MSH3: variants seen among roughly 807,000 people sequenced by gnomAD.
MSH3 encodes mutS homolog 3.
MSH3 carries 106 observed loss-of-function variants against 123.3 expected under a neutral mutation model. The observed-to-expected ratio is 0.86, with a 90% CI of 0.73 to 1.01. The LOEUF (loss-of-function observed/expected upper bound fraction) is 1.01. Ranked by LOEUF, MSH3 falls within the 50% of genes least tolerant of loss-of-function variation. MSH3 has a pLI of 0.00. For missense variants in MSH3, 1,459 were observed against 1,347.6 expected, an observed-to-expected ratio of 1.08 and a Z score of -1.29; for synonymous variants, 515 against 481.4, an observed-to-expected ratio of 1.07 and a Z score of -0.91.
intron 8 of MSH3, among the ~76,000 whole-genome samples, chr5:80,720,449 G>A (rs1274427638): frequency 6.6e-6 from 1 of 151,100 alleles, no homozygotes; most frequent in Non-Finnish European, 1.5e-5. Context: ...ATTTCTTTTT[G>A]ACTTTGAAAA....
chr5:80,817,227 A>G (rs568892949), intron 20 of MSH3, among the ~76,000 whole-genome samples: 2 of 152,022 alleles, frequency 1.3e-5, no homozygotes, highest in African/African-American at 4.8e-5. Context: ...GAGTGCTTCA[A>G]GAAGAAAAGT....
chr5:80,684,635 GTCC>G (rs1228993540), intron 8 of MSH3, among the ~76,000 whole-genome samples: 1 of 151,992 alleles, frequency 6.6e-6, no homozygotes, highest in Non-Finnish European at 1.5e-5. Flanking sequence ...ATAATTAGAC[GTCC>G]TCCTTTCCAA....
rs6151833 is a variant in MSH3 at position 80,785,626 on chromosome 5, C to T, written c.2436-1939C>T. Among the ~76,000 whole-genome samples the T allele has an allele frequency of 9.3e-3, 1,409 of 152,286 alleles. 7 individuals are homozygous for T. The highest frequency in any genetic ancestry group is 0.044 in the Middle Eastern group (13 of 294). On this transcript the variant is annotated intron_variant, in intron 17 of 23. Coordinates refer to ENST00000265081, the MANE Select transcript of MSH3 (RefSeq NM_002439.5). ...TACTGGGTATATACCCATGACCCAGCCATCCCATTACTGGGTATATACCCA... is the reference window on the plus strand; with the variant it reads ...TACTGGGTATATACCCATGACCCAGTCATCCCATTACTGGGTATATACCCA...
At chr5:80,753,031 C>T (rs546204247) in intron 12 of MSH3, among the ~76,000 whole-genome samples, 2 of 152,206 alleles carry the variant, frequency 1.3e-5, no homozygotes, top group South Asian at 4.1e-4. Flanking sequence ...TACAGGTAGG[C>T]TGGTGTTTTA....
chr5:80,836,038 A>G lies in MSH3; in HGVS notation c.2814-18092A>G, dbSNP rs557813793. ...AAAAAGTACTTTTTGATATCTTATTAAAAATTAAGATTCTGTCATATTTCT... is the reference window on the plus strand; with the variant it reads ...AAAAAGTACTTTTTGATATCTTATTGAAAATTAAGATTCTGTCATATTTCT... On this transcript the variant is annotated intron_variant, in intron 20 of 23. Transcript: ENST00000265081. Among the ~76,000 whole-genome samples, 10 of 152,326 alleles carry G rather than the reference A, an allele frequency of 6.6e-5. No individual in the cohort carries two copies. The South Asian group carries it at 2.1e-3, about 32-fold the overall frequency.
At chr5:80,674,937 G>A (rs1357827720) in intron 6 of MSH3, 46 bp from the exon 7 acceptor site, 10 of 1,404,182 alleles carry the variant, frequency 7.1e-6, no homozygotes, top group Non-Finnish European at 8.9e-6. Flanking sequence ...TAGCATATTA[G>A]GATTTAGAAT....
intron 20 of MSH3, among the ~76,000 whole-genome samples, chr5:80,829,237 T>C (rs542660199): frequency 2.0e-4 from 31 of 152,350 alleles, no homozygotes; most frequent in African/African-American, 7.2e-4. Flanking sequence ...CCTTTTCCTG[T>C]CTTATTGCAT....
intron 2 of MSH3, among the ~76,000 whole-genome samples, chr5:80,657,245 A>G (rs534981800): frequency 1.3e-4 from 20 of 152,204 alleles, no homozygotes; most frequent in Non-Finnish European, 1.8e-4. Context: ...GTTTAAGACC[A>G]GCCTGGCCAA....
Position 80,654,905 on chromosome 5 carries a change from GCCGCAGCGCCCCCAGCGC to G in MSH3, c.181_198del (p.Ala61_Pro66del), listed in dbSNP as rs1749210844. Reference sequence around the variant, plus strand: ...TGCAGCGGCTGCAGCGGCCGCAGCGGCCGCAGCGCCCCCAGCGCCCCCAGCTCCCGCCTTCCCGCCCCA... The same window carrying G: ...TGCAGCGGCTGCAGCGGCCGCAGCGGCCCCAGCTCCCGCCTTCCCGCCCCA... On this transcript the variant is annotated inframe_deletion, in exon 1 of 24. Coordinates refer to ENST00000265081, the MANE Select transcript of MSH3 (RefSeq NM_002439.5). 6.7e-7 allele frequency: 1 copy of G among 1,494,090 alleles called. No individual in the cohort carries two copies. The highest frequency in any genetic ancestry group is 8.9e-7 in the Non-Finnish European group (1 of 1,126,380). The allele number at this position is 1,494,090 out of a possible 1,614,324, so 92.6% of individuals were successfully genotyped here.
intron 19 of MSH3, among the ~76,000 whole-genome samples, chr5:80,810,194 T>TATATATATATATATATATATATATATAA (rs1554074256): frequency 1.4e-5 from 2 of 146,848 alleles, no homozygotes; most frequent in South Asian, 2.1e-4. Context: ...TATATATATA[T>TATATATATATATATATATATATATATAA]AAACTAGTAG....
chr5:80,762,778 T>TTTA (rs1554072031), intron 13 of MSH3, among the ~76,000 whole-genome samples: 7 of 127,974 alleles, frequency 5.5e-5, no homozygotes, highest in African/African-American at 1.2e-4. Context: ...TTATTTTAAT[T>TTTA]TTTTATTTTA....
intron 20 of MSH3, among the ~76,000 whole-genome samples, chr5:80,843,951 T>G (rs944564048): frequency 6.6e-6 from 1 of 151,774 alleles, no homozygotes; most frequent in Non-Finnish European, 1.5e-5. Context: ...CTTTTGAATT[T>G]GTTTGCTCTT....
chr5:80,697,767 A>G (rs1041608853), intron 8 of MSH3, among the ~76,000 whole-genome samples: 1 of 152,166 alleles, frequency 6.6e-6, no homozygotes, highest in African/African-American at 2.4e-5. Context: ...CCCAGAAAGG[A>G]CATTTAAGCT....
intron 8 of MSH3, among the ~76,000 whole-genome samples, chr5:80,686,799 G>GT (rs1294199590): frequency 6.6e-6 from 1 of 150,890 alleles, no homozygotes; most frequent in Non-Finnish European, 1.5e-5. Flanking sequence ...ATACCTAAAG[G>GT]TAAAAACAGC....
At chr5:80,837,696 T>C (rs974491797) in intron 20 of MSH3, among the ~76,000 whole-genome samples, 11 of 152,242 alleles carry the variant, frequency 7.2e-5, no homozygotes, top group African/African-American at 2.2e-4. Context: ...GTATTATTTT[T>C]CTGAACTGTG....
intron 10 of MSH3, among the ~76,000 whole-genome samples, chr5:80,737,968 A>G (rs1171995913): frequency 6.6e-6 from 1 of 152,204 alleles, no homozygotes; most frequent in Non-Finnish European, 1.5e-5. Flanking sequence ...TTGTTTAGTA[A>G]GGACAAAAAG....
chr5:80,672,304 A>G lies in MSH3; in HGVS notation c.853A>G (p.Ile285Val), dbSNP rs1213230231. 7.4e-6 allele frequency: 12 copies of G among 1,614,004 alleles called. No individual in the cohort carries two copies. The highest frequency in any genetic ancestry group is 9.3e-6 in the Non-Finnish European group (11 of 1,179,980). ...HLDHNFMTASIPTHRLFVHVR... is the reference protein window; with the variant it reads ...HLDHNFMTASVPTHRLFVHVR... ...AGATCACAACTTTATGACAGCAAGT[A>G]TACCTACTCACAGACTGTTTGTTCA... The change falls in exon 5 of 24, where the codon ATA (isoleucine) becomes GTA (valine). Residue 285 changes from isoleucine to valine, a missense_variant. By Grantham distance (29) the Ile-to-Val change is conservative. Coordinates refer to ENST00000265081, the MANE Select transcript of MSH3 (RefSeq NM_002439.5).
intron 17 of MSH3, among the ~76,000 whole-genome samples, chr5:80,785,968 A>T (rs1411839869): frequency 6.8e-6 from 1 of 147,980 alleles, no homozygotes; most frequent in Non-Finnish European, 1.5e-5. Flanking sequence ...AGGAAGGGGA[A>T]CATCACACTC....
intron 23 of MSH3, among the ~76,000 whole-genome samples, chr5:80,873,662 C>T (rs1379938162): frequency 6.6e-6 from 1 of 152,074 alleles, no homozygotes; most frequent in Non-Finnish European, 1.5e-5. Flanking sequence ...ACGATTACAT[C>T]CAGAAATTCT....
Sources: allele counts gnomAD v4.1 joint callset (sites outside exome capture counted in the v4.1 genomes callset), GRCh38; gene constraint gnomAD v4.1.1; transcripts MANE v1.5; gene names NCBI Gene and HGNC (gene_info 2026-07-23, HGNC 2026-07-21).